Variants in MGAT4C observed in about 807,000 individuals in gnomAD.
MGAT4C encodes alpha-1,3-mannosyl-glycoprotein 4-beta-N-acetylglucosaminyltransferase C.
MGAT4C carries 19 observed loss-of-function variants against 40.1 expected under a neutral mutation model. The ratio of observed to expected loss-of-function variants is 0.47; its 90% confidence interval spans 0.33 to 0.70. MGAT4C has a LOEUF of 0.70. MGAT4C is among the 30% of genes least tolerant of loss of function. The probability of loss-of-function intolerance (pLI) is 0.02; values close to 1 mark genes in which losing one functional copy is unlikely to be tolerated. For synonymous variants in MGAT4C, 181 were observed against 187.1 expected, an observed-to-expected ratio of 0.97 and a Z score of 0.27; for missense variants, 491 against 563.2, an observed-to-expected ratio of 0.87 and a Z score of 1.30.
In MGAT4C at chr12:86,534,602, T is replaced by G. The variant is rs187802785; in HGVS notation, c.-228-99337A>C. Among the ~76,000 whole-genome samples the G allele has an allele frequency of 1.6e-3, 246 of 152,290 alleles. 1 individual carries two copies. Among genetic ancestry groups the G allele is most frequent in the African/African-American group, 5.7e-3 (237 of 41,572 alleles). On this transcript the variant is annotated intron_variant, in intron 2 of 7. Transcript: ENST00000548651. ...CACCATATATTTATGAAGTAGATTTTTGTCATTTCCTTTAAATAGGCCAGG... is the reference window on the plus strand; with the variant it reads ...CACCATATATTTATGAAGTAGATTTGTGTCATTTCCTTTAAATAGGCCAGG...
chr12:86,683,929 C>T (rs747844667), intron 2 of MGAT4C, among the ~76,000 whole-genome samples: 7 of 152,128 alleles, frequency 4.6e-5, no homozygotes, highest in Non-Finnish European at 8.8e-5. Flanking sequence ...ATTGGATATC[C>T]TCTCCCTAGT....
intron 1 of MGAT4C, among the ~76,000 whole-genome samples, chr12:86,217,013 A>C (rs1950697699): frequency 6.6e-6 from 1 of 152,202 alleles, no homozygotes; most frequent in African/African-American, 2.4e-5. Flanking sequence ...TTCCTATGTG[A>C]AAGATTTCCT....
chr12:86,603,524 ACT>A (rs1383554041), intron 2 of MGAT4C, among the ~76,000 whole-genome samples: 81 of 23,854 alleles, frequency 3.4e-3, no homozygotes, highest in South Asian at 0.011. Context: ...TAGTCTATAG[ACT>A]ATATATAGTC....
At chr12:86,362,568 T>A (rs976772681) in intron 3 of MGAT4C, among the ~76,000 whole-genome samples, 1 of 152,176 alleles carries the variant, frequency 6.6e-6, no homozygotes, top group Admixed American at 6.5e-5. Flanking sequence ...TCCAGTCATA[T>A]ATTTTATAAG....
At position 86,460,610 on chromosome 12, in the gene MGAT4C, T is replaced by C. The variant is rs530246175; in HGVS notation, c.-228-25345A>G. 2.6e-5 allele frequency among the ~76,000 whole-genome samples: 4 copies of C among 152,226 alleles called. No homozygotes were observed. The East Asian group carries it at 7.7e-4, about 29-fold the overall frequency. ...GTCAAATTGCAGGATAGCATGTGTG[T>C]GTCTGTATGCATGTGTGTGTCTTTG... On this transcript the variant is annotated intron_variant, in intron 2 of 7. Coordinates refer to the MGAT4C transcript ENST00000548651.
At chr12:86,342,165 T>C (rs61950712) in intron 3 of MGAT4C, among the ~76,000 whole-genome samples, 14,456 of 152,150 alleles carry the variant, frequency 0.095, 829 homozygotes, top group Middle Eastern at 0.22. Flanking sequence ...GGACAGGCTA[T>C]CATCTTTGCT....
intron 3 of MGAT4C, among the ~76,000 whole-genome samples, chr12:86,359,514 A>C (rs1044035253): frequency 6.6e-6 from 1 of 151,560 alleles, no homozygotes; most frequent in African/African-American, 2.4e-5. Flanking sequence ...TAAAAAAAAA[A>C]CCCTTCAAAA....
intron 4 of MGAT4C, among the ~76,000 whole-genome samples, chr12:86,296,765 C>T (rs897532029): frequency 3.9e-5 from 6 of 152,214 alleles, no homozygotes; most frequent in Non-Finnish European, 5.9e-5. Flanking sequence ...AGTTCCTGCT[C>T]GCGCCTCTCC....
intron 3 of MGAT4C, among the ~76,000 whole-genome samples, chr12:86,377,131 G>A (rs1490072984): frequency 6.9e-5 from 10 of 144,950 alleles, no homozygotes; most frequent in Non-Finnish European, 1.0e-4. Flanking sequence ...CACGATCTCC[G>A]CTCACTGCAA....
chr12:86,191,450 G>A (rs991679807), intron 1 of MGAT4C, among the ~76,000 whole-genome samples: 5 of 151,752 alleles, frequency 3.3e-5, no homozygotes, highest in Admixed American at 1.3e-4. Context: ...GGATGATCAT[G>A]TATTTGATAT....
intron 2 of MGAT4C, among the ~76,000 whole-genome samples, chr12:86,577,109 A>G (rs1017424710): frequency 1.3e-5 from 2 of 151,456 alleles, no homozygotes; most frequent in Non-Finnish European, 3.0e-5. Flanking sequence ...TCTTTTTCAC[A>G]TTTTCACTGT....
At chr12:86,385,863 G>C (rs1280117185) in intron 3 of MGAT4C, among the ~76,000 whole-genome samples, 1 of 152,112 alleles carries the variant, frequency 6.6e-6, no homozygotes, top group African/African-American at 2.4e-5. Flanking sequence ...TGTGTCTTCT[G>C]TGCTCCCTCT....
chr12:86,694,331 G>A (rs2136603065), intron 2 of MGAT4C, among the ~76,000 whole-genome samples: 1 of 151,782 alleles, frequency 6.6e-6, no homozygotes, highest in South Asian at 2.1e-4. Context: ...AAATGTGAAA[G>A]GCTATCATTA....
intron 2 of MGAT4C, among the ~76,000 whole-genome samples, chr12:86,542,359 T>C (rs1049108315): frequency 4.9e-5 from 3 of 60,850 alleles, no homozygotes; most frequent in Admixed American, 3.6e-4. Flanking sequence ...CCAACAACAA[T>C]TCCTAGTTCA....
At chr12:86,725,188 C>G (rs561535530) in intron 2 of MGAT4C, among the ~76,000 whole-genome samples, 37 of 152,300 alleles carry the variant, frequency 2.4e-4, no homozygotes, top group African/African-American at 8.9e-4. Flanking sequence ...AACTGAGGAA[C>G]TGACTTCCTT....
intron 3 of MGAT4C, among the ~76,000 whole-genome samples, chr12:86,411,965 C>T (rs575130756): frequency 3.0e-4 from 45 of 152,324 alleles, no homozygotes. Flanking sequence ...CAGGCCACTG[C>T]TCCAAAGAGT....
At chr12:86,428,622 G>A (rs1248098830) in intron 3 of MGAT4C, among the ~76,000 whole-genome samples, 1 of 152,146 alleles carries the variant, frequency 6.6e-6, no homozygotes, top group East Asian at 1.9e-4. Context: ...CTTGCTGGGA[G>A]ACTTTTTCTT....
intron 2 of MGAT4C, among the ~76,000 whole-genome samples, chr12:86,710,520 GCAT>G (rs1419546238): frequency 3.9e-5 from 6 of 152,112 alleles, no homozygotes; most frequent in Non-Finnish European, 8.8e-5. Context: ...GAGTAAGGTG[GCAT>G]CTCATTGTGG....
chr12:86,420,663 G>A (rs1304453185), intron 3 of MGAT4C, among the ~76,000 whole-genome samples: 1 of 151,610 alleles, frequency 6.6e-6, no homozygotes, highest in Non-Finnish European at 1.5e-5. Context: ...TGCATTCCAA[G>A]ATTCCTAATA....
Sources: gnomAD v4.1 joint callset for allele counts (sites outside exome capture counted in the v4.1 genomes callset) on GRCh38, gnomAD v4.1.1 for gene constraint, MANE v1.5 for transcripts, NCBI Gene and HGNC (gene_info 2026-07-23, HGNC 2026-07-21) for gene names.